TEKT3: variants seen among roughly 807,000 people sequenced by gnomAD.
TEKT3 encodes tektin 3, also known as tektin-3.
A neutral mutation model predicts 49.8 loss-of-function variants in TEKT3; 49 were observed. The ratio of observed to expected loss-of-function variants is 0.98; its 90% CI spans 0.78 to 1.25. TEKT3 has a LOEUF of 1.25. Among genes scored for constraint, TEKT3 ranks in the 50% most tolerant of loss-of-function variants. The pLI, the probability that TEKT3 is intolerant of heterozygous loss-of-function variation, is 0.00. For missense variants in TEKT3, 595 were observed against 629.5 expected (o/e 0.95, Z 0.59); for synonymous variants, 225 against 237.2 (o/e 0.95, Z 0.47).
chr17:15,314,789 A>G (rs958451952), intron 5 of TEKT3, among the ~76,000 whole-genome samples: 1 of 152,152 alleles, frequency 6.6e-6, no homozygotes, highest in African/African-American at 2.4e-5. Context: ...CCAAGGATCA[A>G]AATTAACCTC....
In TEKT3 at chr17:15,308,667, A is replaced by T. The variant is rs747437138; in HGVS notation, c.1253T>A (p.Leu418Gln). ...GAGCCTTCCCCTCCCACCTTACCGTAGCTGAGCCATGTCTCGGCACAACTC... is the reference window on the plus strand; with the variant it reads ...GAGCCTTCCCCTCCCACCTTACCGTTGCTGAGCCATGTCTCGGCACAACTC... ...NIELCRDMAQLRLVNEVHEVD... is the reference protein window; with the variant it reads ...NIELCRDMAQQRLVNEVHEVD... The change falls in exon 8 of 9, where the codon CTA (leucine) becomes CAA (glutamine). Residue 418 changes from leucine (L) to glutamine (Q), a missense_variant. Transcript: ENST00000395930. 1.9e-6 allele frequency: 3 copies of T among 1,605,800 alleles called. No homozygotes were observed. In the South Asian group the frequency reaches 3.3e-5, roughly 18 times the overall value.
chr17:15,310,626 T>C (rs1030050139), intron 7 of TEKT3, among the ~76,000 whole-genome samples: 2 of 152,158 alleles, frequency 1.3e-5, no homozygotes, highest in Non-Finnish European at 2.9e-5. Flanking sequence ...CAGCCTCCAT[T>C]AATTAATTTT....
At chr17:15,317,490 T>C (rs1363827505) in intron 5 of TEKT3, among the ~76,000 whole-genome samples, 1 of 152,090 alleles carries the variant, frequency 6.6e-6, no homozygotes, top group Non-Finnish European at 1.5e-5. Context: ...TCCTCACCAA[T>C]TTCCAAATTA....
chr17:15,308,330 T>A (rs1425813861), intron 8 of TEKT3, among the ~76,000 whole-genome samples: 1 of 152,208 alleles, frequency 6.6e-6, no homozygotes, highest in Non-Finnish European at 1.5e-5. Flanking sequence ...TTAATAGCAC[T>A]TTTTGTGTGT....
chr17:15,305,011 T>G (rs1301175556), intron 8 of TEKT3, among the ~76,000 whole-genome samples: 1 of 152,180 alleles, frequency 6.6e-6, no homozygotes, highest in Non-Finnish European at 1.5e-5. Flanking sequence ...CAGGGCTACA[T>G]CCACAGCCGC....
At chr17:15,327,156 GAA>G (rs201138913) in intron 4 of TEKT3, among the ~76,000 whole-genome samples, 4 of 136,212 alleles carry the variant, frequency 2.9e-5, no homozygotes, top group Admixed American at 7.4e-5. Context: ...ATGATTGATT[GAA>G]AAAAAAAAAA....
chr17:15,337,969 G>T, intron 2 of TEKT3, among the ~76,000 whole-genome samples: 1 of 152,036 alleles, frequency 6.6e-6, no homozygotes, highest in South Asian at 2.1e-4. Context: ...AAATATTATC[G>T]GAGATAAAGA....
chr17:15,341,517 C>G lies in TEKT3; in HGVS notation c.-64+1G>C, dbSNP rs759244123. ...AGGCTAGAGTCAGCGAGACCACTCA[C>G]CTGTCGGCGGATGCCCGGCGAGGGG... On this transcript the variant is annotated splice_donor_variant, in intron 1 of 8. Coordinates refer to ENST00000395930, the MANE Select transcript of TEKT3 (RefSeq NM_031898.3). LOFTEE classifies it low-confidence loss of function (5UTR_SPLICE). 1.3e-5 allele frequency: 2 copies of G among 152,428 alleles called. No individual in the cohort carries two copies. Among genetic ancestry groups the G allele is most frequent in the Non-Finnish European group, 2.9e-5 (2 of 68,242 alleles). 9.4% of individuals were successfully genotyped at this position (152,428 alleles called of 1,614,324 possible).
chr17:15,320,897 T>C (rs543442555), intron 4 of TEKT3, among the ~76,000 whole-genome samples: 6 of 152,124 alleles, frequency 3.9e-5, no homozygotes, highest in Admixed American at 6.6e-5. Flanking sequence ...AAACCCCAAA[T>C]TGTGTTTTTA....
At chr17:15,338,028 T>A (rs1240552937) in intron 2 of TEKT3, among the ~76,000 whole-genome samples, 1 of 152,168 alleles carries the variant, frequency 6.6e-6, no homozygotes, top group East Asian at 1.9e-4. Context: ...CAATATTAAA[T>A]GTTTATGTAA....
intron 8 of TEKT3, 107 bp downstream of exon 8, chr17:15,308,557 C>T: frequency 7.0e-7 from 1 of 1,430,834 alleles, no homozygotes; most frequent in Non-Finnish European, 9.5e-7. Context: ...TCACAGAAGG[C>T]TCCTACATGC....
chr17:15,308,753 C>T lies in TEKT3; in HGVS notation c.1167G>A (p.Lys389=), dbSNP rs1267863001. 6 of 1,613,934 alleles carry T rather than the reference C, an allele frequency of 3.7e-6. No individual in the cohort carries two copies. Among genetic ancestry groups the T allele is most frequent in the African/African-American group, 1.3e-5 (1 of 74,888 alleles). ...IESIKKAIKD[K]TAFLKVAQTR... is the part of the protein sequence containing the mutation. The stretch of plus-strand genomic sequence containing the variant: ...TCTGAGCCACCTTCAGGAAGGCAGT[C>T]TTGTCCTTGATGGCCTTCTTGATGG... Residue 389 remains lysine (K), a synonymous_variant, in exon 8 of 9, where the codon AAG becomes AAA. Coordinates refer to ENST00000395930, the MANE Select transcript of TEKT3 (RefSeq NM_031898.3).
At position 15,341,533 on chromosome 17, in the gene TEKT3, C is replaced by T. The variant is rs568479936; in HGVS notation, c.-79G>A. The T allele has an allele frequency of 1.3e-5, 2 of 152,396 alleles. No individual in the cohort carries two copies. The highest frequency in any genetic ancestry group is 2.9e-5 in the Non-Finnish European group (2 of 68,258). The allele number at this position is 152,396 out of a possible 1,614,324, so 9.4% of individuals were successfully genotyped here. The stretch of plus-strand genomic sequence containing the variant: ...GACCACTCACCTGTCGGCGGATGCC[C>T]GGCGAGGGGCGGGAAGGGGCTGTGG... On this transcript the variant is annotated 5_prime_UTR_variant, in exon 1 of 9. Transcript: ENST00000395930.
At position 15,333,953 on chromosome 17, in the gene TEKT3, C is replaced by T. The variant is rs1911885433; in HGVS notation, c.-29-2339G>A. Among the ~76,000 whole-genome samples, 7 of 151,606 alleles carry T rather than the reference C, an allele frequency of 4.6e-5. No individual in the cohort carries two copies. The South Asian group carries it at 1.0e-3, about 23-fold the overall frequency. On this transcript the variant is annotated intron_variant, in intron 2 of 8. Transcript: ENST00000395930. Reference sequence around the variant, plus strand: ...AATTTTTTTGTATTTTTAGTAGAGTCGGGGTTTCACCATGCTAGCCAGGAT... The same window carrying T: ...AATTTTTTTGTATTTTTAGTAGAGTTGGGGTTTCACCATGCTAGCCAGGAT...
intron 2 of TEKT3, among the ~76,000 whole-genome samples, chr17:15,334,902 T>A (rs1006487513): frequency 5.3e-5 from 8 of 152,196 alleles, no homozygotes; most frequent in Middle Eastern, 3.2e-3. Flanking sequence ...TAAGAAATAC[T>A]TAAAAACTGA....
chr17:15,304,267 T>C lies in TEKT3; in HGVS notation c.1257-115A>G. On this transcript the variant is annotated intron_variant, in intron 8 of 8. Transcript: ENST00000395930. The surrounding 1 kb of genome is among the most constrained non-coding windows in gnomAD (Gnocchi z 4.7). ...ACATTTTCTTTACTTTAGGATATAT[T>C]TATCAGCAAATGAGAGGTGCATGAA... The C allele has an allele frequency of 9.9e-7, 1 of 1,012,834 alleles. No homozygotes were observed. The highest frequency in any genetic ancestry group is 1.6e-5 in the African/African-American group (1 of 62,136). The allele number at this position is 1,012,834 out of a possible 1,614,324, so 62.7% of individuals were successfully genotyped here.
At position 15,314,018 on chromosome 17, in the gene TEKT3, T is replaced by A; in HGVS notation, c.878+69A>T. On this transcript the variant is annotated intron_variant, in intron 6 of 8. Coordinates refer to ENST00000395930, the MANE Select transcript of TEKT3 (RefSeq NM_031898.3). ...TTGCTTTCCATTTTAACCTGTAAGC[T>A]GTGTCCTTTCGAAAGGAGAAAGAGT... The A allele has an allele frequency of 2.5e-6, 4 of 1,605,284 alleles. No homozygotes were observed. The South Asian group carries it at 4.4e-5, about 18-fold the overall frequency.
intron 4 of TEKT3, 93 bp downstream of exon 4, chr17:15,327,899 G>T: frequency 9.2e-7 from 1 of 1,086,510 alleles, no homozygotes. Context: ...TTACTTATAA[G>T]TCATTTTATG....
chr17:15,320,283 C>T (rs554404806), intron 4 of TEKT3, among the ~76,000 whole-genome samples: 6 of 152,248 alleles, frequency 3.9e-5, no homozygotes, highest in African/African-American at 1.4e-4. Flanking sequence ...GTGTCAACTA[C>T]CTGTTCACAT....
Sources: allele counts gnomAD v4.1 joint callset (sites outside exome capture counted in the v4.1 genomes callset), GRCh38; gene constraint gnomAD v4.1.1; non-coding constraint Gnocchi (gnomAD v3.1); transcripts MANE v1.5; gene names NCBI Gene and HGNC (gene_info 2026-07-23, HGNC 2026-07-21).